CHSY3: variants seen among roughly 807,000 people sequenced by gnomAD.
CHSY3 encodes the protein chondroitin sulfate synthase 3.
CHSY3 carries 35 observed loss-of-function variants against 67.2 expected under a neutral mutation model. That is an observed-to-expected ratio of 0.52 (90% CI 0.40 to 0.69). The LOEUF (loss-of-function observed/expected upper bound fraction) is 0.69, where lower values mean the gene tolerates loss of function less well. Ranked by LOEUF, CHSY3 falls within the 30% of genes least tolerant of loss-of-function variation. The pLI is 0.00. For synonymous variants in CHSY3, 474 were observed against 434.7 expected (o/e 1.09, Z -1.12); for missense variants, 1,069 against 1,138.5 (o/e 0.94, Z 0.88).
intron 2 of CHSY3, among the ~76,000 whole-genome samples, chr5:130,107,931 C>G (rs1023290350): frequency 6.6e-6 from 1 of 151,690 alleles, no homozygotes; most frequent in Non-Finnish European, 1.5e-5. Context: ...GTCTAACACT[C>G]TTTTTCATAT....
intron 2 of CHSY3, among the ~76,000 whole-genome samples, chr5:129,943,106 T>C (rs1384826365): frequency 6.6e-6 from 1 of 152,206 alleles, no homozygotes; most frequent in Non-Finnish European, 1.5e-5. Context: ...TCAGTAGTAG[T>C]ATGCATATTT....
At chr5:129,939,178 C>G (rs1310121043) in intron 2 of CHSY3, among the ~76,000 whole-genome samples, 1 of 152,140 alleles carries the variant, frequency 6.6e-6, no homozygotes, top group Non-Finnish European at 1.5e-5. Context: ...GTGCTACACA[C>G]TTTGAAATAA....
At chr5:130,075,523 T>C (rs1580708583) in intron 2 of CHSY3, among the ~76,000 whole-genome samples, 3 of 152,186 alleles carry the variant, frequency 2.0e-5, no homozygotes, top group Non-Finnish European at 4.4e-5. Context: ...CAAACTCTTA[T>C]TTTTCAAGTG....
At chr5:130,032,155 G>T (rs1764721472) in intron 2 of CHSY3, among the ~76,000 whole-genome samples, 1 of 152,096 alleles carries the variant, frequency 6.6e-6, no homozygotes, top group Non-Finnish European at 1.5e-5. Context: ...TGTATCTGTT[G>T]CATGTCTATA....
At chr5:130,040,512 A>G (rs1340394768) in intron 2 of CHSY3, among the ~76,000 whole-genome samples, 1 of 152,128 alleles carries the variant, frequency 6.6e-6, no homozygotes, top group Non-Finnish European at 1.5e-5. Flanking sequence ...AATTTTGAGG[A>G]GATGGCAAAG....
intron 2 of CHSY3, among the ~76,000 whole-genome samples, chr5:130,130,524 G>A (rs1402661698): frequency 6.6e-6 from 1 of 152,030 alleles, no homozygotes; most frequent in Admixed American, 6.6e-5. Context: ...TTTCCTCCAG[G>A]CACATCTCCT....
intron 2 of CHSY3, among the ~76,000 whole-genome samples, chr5:129,931,602 G>A (rs1021649930): frequency 6.6e-6 from 1 of 151,998 alleles, no homozygotes; most frequent in African/African-American, 2.4e-5. Flanking sequence ...CAGATGTGTA[G>A]GTGATGTATA....
chr5:129,987,530 TA>T (rs1763241276), intron 2 of CHSY3, among the ~76,000 whole-genome samples: 1 of 152,168 alleles, frequency 6.6e-6, no homozygotes, highest in Non-Finnish European at 1.5e-5. Flanking sequence ...AAATATACCA[TA>T]TTTCTAGCAT....
intron 2 of CHSY3, among the ~76,000 whole-genome samples, chr5:130,175,349 A>G (rs1770012200): frequency 6.6e-6 from 1 of 152,216 alleles, no homozygotes; most frequent in African/African-American, 2.4e-5. Context: ...GCTCAAGGAA[A>G]TAAGAGAGGA....
Position 129,905,034 on chromosome 5 carries a change from C to G in CHSY3, c.205C>G (p.Arg69Gly), listed in dbSNP as rs746634178. The G allele has an allele frequency of 1.7e-4, 264 of 1,558,834 alleles. No individual in the cohort carries two copies. The highest frequency in any genetic ancestry group is 2.2e-4 in the Non-Finnish European group (251 of 1,158,998). Residue 69 changes from arginine to glycine, a missense_variant, in exon 1 of 3, where the codon CGA becomes GGA. By Grantham distance (125) the Arg-to-Gly change is moderately radical. This residue lies in a region of CHSY3 where 309 missense variants were observed against 262.5 expected (regional missense o/e 1.18). Coordinates refer to ENST00000305031, the MANE Select transcript of CHSY3 (RefSeq NM_175856.5). ...AQQPLPQPQS[R>G]PRQEQSPPPA... The stretch of plus-strand genomic sequence containing the variant: ...GCAGCCGCTCCCCCAGCCCCAGTCC[C>G]GACCACGGCAGGAGCAGTCGCCGCC...
At chr5:130,009,375 T>A (rs1763979884) in intron 2 of CHSY3, among the ~76,000 whole-genome samples, 1 of 151,848 alleles carries the variant, frequency 6.6e-6, no homozygotes, top group Non-Finnish European at 1.5e-5. Flanking sequence ...CTAAGCTTCC[T>A]AAACGAAGGA....
intron 2 of CHSY3, among the ~76,000 whole-genome samples, chr5:130,008,231 C>T (rs1763934598): frequency 6.6e-6 from 1 of 152,050 alleles, no homozygotes; most frequent in Non-Finnish European, 1.5e-5. Context: ...CCCCCCATAC[C>T]CCCCATTGGA....
rs760822099 is a variant in CHSY3, at chr5:130,160,909, ATT to A, written c.1087-23308_1087-23307del. Among the ~76,000 whole-genome samples, 637 of 136,154 alleles carry A rather than the reference ATT, an allele frequency of 4.7e-3. 4 individuals carry two copies. The highest frequency in any genetic ancestry group is 0.018 in the African/African-American group (619 of 33,848). 89.3% of individuals were successfully genotyped at this position (136,154 alleles called of 152,430 possible). A position where few individuals can be genotyped will look rare whatever the true frequency, so the allele number is the denominator to read the frequency against. ...TTTATTTATTTATTTTTTTTTTTTT[ATT>A]TTTTTTTTTTTGAGACGGAGTCTCA... On this transcript the variant is annotated intron_variant, in intron 2 of 2. Coordinates refer to ENST00000305031, the MANE Select transcript of CHSY3 (RefSeq NM_175856.5).
rs1486341188 is a variant in CHSY3 at position 129,905,220 on chromosome 5, G to A, written c.391G>A (p.Glu131Lys). ...ATGLPGAPAAEGEPEEEDGGA... is the reference protein window; with the variant it reads ...ATGLPGAPAAKGEPEEEDGGA... Reference sequence around the variant, plus strand: ...GGGGCTTCCCGGTGCTCCAGCGGCCGAGGGGGAGCCCGAGGAGGAGGACGG... The same window carrying A: ...GGGGCTTCCCGGTGCTCCAGCGGCCAAGGGGGAGCCCGAGGAGGAGGACGG... Residue 131 changes from glutamate (E) to lysine (K), a missense_variant, in exon 1 of 3, where the codon GAG becomes AAG. Glu to Lys is a moderately conservative substitution (Grantham distance 56). Around this residue, in one of 5 missense-constraint regions of CHSY3, gnomAD observed 309 missense variants for 262.5 expected, o/e 1.18. Coordinates refer to ENST00000305031, the MANE Select transcript of CHSY3 (RefSeq NM_175856.5). 4 of 1,505,316 alleles carry A rather than the reference G, an allele frequency of 2.7e-6. No individual in the cohort carries two copies. In the East Asian group the frequency reaches 7.7e-5, roughly 29 times the overall value. 93.2% of individuals were successfully genotyped at this position (1,505,316 alleles called of 1,614,324 possible). A position where few individuals can be genotyped will look rare whatever the true frequency, so the allele number is the denominator to read the frequency against.
At chr5:130,141,772 C>T in intron 2 of CHSY3, 1 of 451,658 alleles carries the variant, frequency 2.2e-6, no homozygotes, top group Non-Finnish European at 4.3e-6. Flanking sequence ...GGATAAGAAT[C>T]AGATTCAGAA....
chr5:130,132,054 T>G (rs2149714262), intron 2 of CHSY3, among the ~76,000 whole-genome samples: 1 of 152,322 alleles, frequency 6.6e-6, no homozygotes, highest in South Asian at 2.1e-4. Flanking sequence ...CTTATAGCAT[T>G]ATTCAATTAA....
intron 2 of CHSY3, among the ~76,000 whole-genome samples, chr5:129,992,671 A>G (rs1352401394): frequency 6.6e-6 from 1 of 152,210 alleles, no homozygotes; most frequent in Non-Finnish European, 1.5e-5. Context: ...TTTTACCAGT[A>G]GTCCTGTCCC....
At chr5:129,920,803 C>T (rs980729920) in intron 2 of CHSY3, among the ~76,000 whole-genome samples, 1 of 151,596 alleles carries the variant, frequency 6.6e-6, no homozygotes, top group African/African-American at 2.4e-5. Flanking sequence ...CCTTAGCAAC[C>T]CCACCATAAG....
chr5:129,955,760 A>G (rs1454505831), intron 2 of CHSY3, among the ~76,000 whole-genome samples: 1 of 152,074 alleles, frequency 6.6e-6, no homozygotes, highest in Non-Finnish European at 1.5e-5. Context: ...TTCATCATTT[A>G]GCTTCCACTT....
Sources: allele counts gnomAD v4.1 joint callset (sites outside exome capture counted in the v4.1 genomes callset), GRCh38; gene constraint gnomAD v4.1.1; regional missense constraint gnomAD v4.1.1; transcripts MANE v1.5; gene names NCBI Gene and HGNC (gene_info 2026-07-23, HGNC 2026-07-21).